SRRM1: variants seen among roughly 807,000 people sequenced by gnomAD.
The protein encoded by SRRM1 is serine and arginine repetitive matrix 1, also known as serine/arginine repetitive matrix protein 1.
Under a neutral mutation model 110.2 loss-of-function variants are expected in SRRM1, and 19 were observed. The ratio of observed to expected loss-of-function variants is 0.17; its 90% CI spans 0.12 to 0.25. The LOEUF is 0.25. Ranked by LOEUF, SRRM1 falls within the 10% of genes least tolerant of loss-of-function variation. SRRM1 has a pLI of 1.00. For synonymous variants in SRRM1, 443 were observed against 414.9 expected (o/e 1.07, Z -0.82); for missense variants, 918 against 1,145.8 (o/e 0.80, Z 2.87).
intron 13 of SRRM1, among the ~76,000 whole-genome samples, chr1:24,668,463 A>G (rs1160125357): frequency 1.3e-5 from 2 of 152,238 alleles, no homozygotes; most frequent in Non-Finnish European, 2.9e-5. Context: ...ACATTGCCAA[A>G]ATATATGGCC....
intron 11 of SRRM1, 90 bp downstream of exon 11, chr1:24,661,486 C>CT: frequency 1.1e-6 from 1 of 877,676 alleles, no homozygotes. Context: ...AGCATGAGTA[C>CT]TTACTTGCCT....
chr1:24,655,992 C>G (rs1663865583), intron 9 of SRRM1, among the ~76,000 whole-genome samples: 1 of 152,114 alleles, frequency 6.6e-6, no homozygotes, highest in South Asian at 2.1e-4. Context: ...GTGGTCCCAG[C>G]TACTCAGAAG....
chr1:24,650,168 C>T (rs1257242783), intron 5 of SRRM1, 82 bp downstream of exon 5: 43 of 1,305,370 alleles, frequency 3.3e-5, no homozygotes, highest in Non-Finnish European at 4.1e-5. Context: ...AGGAATCTAA[C>T]AGCGCTATTC....
chr1:24,654,994 C>A lies in SRRM1; in HGVS notation c.1180C>A (p.Pro394Thr), dbSNP rs1288337188. The change falls in exon 9 of 17, where the codon CCT (proline) becomes ACT (threonine). Residue 394 changes from proline to threonine, a missense_variant. Coordinates refer to ENST00000323848, the MANE Select transcript of SRRM1 (RefSeq NM_005839.4). ...TCGTAGGTTATCTCCTTCAGCAAGT[C>A]CTCCAAGGCGAAGGCACAGGCCATC... ...KTRRLSPSAS[P>T]PRRRHRPSPP... The A allele has an allele frequency of 6.2e-7, 1 of 1,614,232 alleles. No individual in the cohort carries two copies. Among genetic ancestry groups the A allele is most frequent in the Admixed American group, 1.7e-5 (1 of 60,022 alleles).
chr1:24,666,644 A>G (rs1571068558), intron 12 of SRRM1, 171 bp from the exon 13 acceptor site: 1 of 541,040 alleles, frequency 1.8e-6, no homozygotes, highest in South Asian at 2.2e-5. Flanking sequence ...GGGTGCCTGT[A>G]ATCCCAACTA....
chr1:24,648,964 G>C lies in SRRM1; in HGVS notation c.340G>C (p.Glu114Gln), dbSNP rs1658988811. The C allele has an allele frequency of 6.2e-7, 1 of 1,613,980 alleles. No homozygotes were observed. The highest frequency in any genetic ancestry group is 8.5e-7 in the Non-Finnish European group (1 of 1,179,926). Residue 114 changes from glutamate (E) to glutamine (Q), a missense_variant, in exon 4 of 17, where the codon GAA (glutamate) becomes CAA (glutamine). Transcript: ENST00000323848. ...GTGGCCCCTGCTGCTAAGTGCACAA[G>C]AAAACATCGCGGGAATCCCTTCTGC... is the stretch of plus-strand genomic sequence containing the variant. ...ELWPLLLSAQENIAGIPSAFL... is the reference protein window; with the variant it reads ...ELWPLLLSAQQNIAGIPSAFL...
chr1:24,645,279 C>G (rs1398224511), intron 1 of SRRM1, among the ~76,000 whole-genome samples: 2 of 152,114 alleles, frequency 1.3e-5, no homozygotes, highest in Non-Finnish European at 2.9e-5. Flanking sequence ...TGATCGCTTT[C>G]CAGGGGACTG....
At chr1:24,671,249 C>T (rs1205833390) in intron 15 of SRRM1, 137 bp from the exon 16 acceptor site, 25 of 916,672 alleles carry the variant, frequency 2.7e-5, no homozygotes, top group Non-Finnish European at 3.4e-5. Flanking sequence ...TTGGGCCTTC[C>T]CCACTCACAC....
intron 12 of SRRM1, among the ~76,000 whole-genome samples, chr1:24,663,704 C>A (rs1427842111): frequency 6.6e-6 from 1 of 151,752 alleles, no homozygotes; most frequent in African/African-American, 2.4e-5. Context: ...TGGTGAAACC[C>A]CATTTCTACT....
In SRRM1 at chr1:24,671,518, G is replaced by A. The variant is rs1672716218; in HGVS notation, c.2533G>A (p.Val845Met). ...TGTGGCTGCAGCTGCTGCAGCTGCTGTGACCCCTGCAGCCATTGCAGCTGC... is the reference window on the plus strand; with the variant it reads ...TGTGGCTGCAGCTGCTGCAGCTGCTATGACCCCTGCAGCCATTGCAGCTGC... ...KAVAAAAAAA[V>M]TPAAIAAATT... Residue 845 changes from valine to methionine, a missense_variant, in exon 16 of 17, where the codon GTG (valine) becomes ATG (methionine). Physicochemically the swap from Val to Met is conservative, Grantham distance 21 (BLOSUM62 1). Transcript: ENST00000323848. The A allele has an allele frequency of 1.2e-6, 2 of 1,612,526 alleles. No individual in the cohort carries two copies. Among genetic ancestry groups the A allele is most frequent in the Non-Finnish European group, 1.7e-6 (2 of 1,179,566 alleles).
At position 24,648,918 on chromosome 1, in the gene SRRM1, T is replaced by C. The variant is rs772314657; in HGVS notation, c.294T>C (p.Ala98=). Reference sequence around the variant, plus strand: ...CTGGATTTTTGAATGGAAAAAATGCTCGAGAATTTATGGGAGAACTGTGGC... The same window carrying C: ...CTGGATTTTTGAATGGAAAAAATGCCCGAGAATTTATGGGAGAACTGTGGC... The part of the protein sequence containing the change: ...NLTGFLNGKN[A]REFMGELWPL... The change falls in exon 4 of 17, where the codon GCT becomes GCC. Residue 98 remains alanine (A), a synonymous_variant. Coordinates refer to ENST00000323848, the MANE Select transcript of SRRM1 (RefSeq NM_005839.4). 1 of 1,613,476 alleles carries C rather than the reference T, an allele frequency of 6.2e-7. No individual in the cohort carries two copies. The highest frequency in any genetic ancestry group is 8.5e-7 in the Non-Finnish European group (1 of 1,179,850).
Position 24,655,107 on chromosome 1 carries a change from T to G in SRRM1, c.1293T>G (p.Ser431=). 1 of 1,614,020 alleles carries G rather than the reference T, an allele frequency of 6.2e-7. No individual in the cohort carries two copies. Among genetic ancestry groups the G allele is most frequent in the Non-Finnish European group, 8.5e-7 (1 of 1,179,964 alleles). The change falls in exon 9 of 17, where the codon TCT becomes TCG. Residue 431 remains serine, a synonymous_variant. Transcript: ENST00000323848. ...NRTRKSRVSV[S]PGRTSGKVTK... ...CAAGAAAAAGTCGTGTTTCTGTGTC[T>G]CCAGGGAGAACTTCAGGTAAAGGTA...
chr1:24,643,570 A>G, intron 1 of SRRM1: 1 of 397,884 alleles, frequency 2.5e-6, no homozygotes, highest in Middle Eastern at 6.4e-4. Flanking sequence ...CGCGGCGGCG[A>G]CGGTGGCCGG....
At position 24,651,426 on chromosome 1, in the gene SRRM1, C is replaced by A. The variant is rs1364803953; in HGVS notation, c.539C>A (p.Pro180His). Reference protein sequence around the residue: ...RSPRRRKSRSPSPRRRSSPVR... With the variant: ...RSPRRRKSRSHSPRRRSSPVR... ...CATCCTAGACGCAAATCCAGATCTC[C>A]TTCCCCTAGAAGACGATCTTCCCCT... The change falls in exon 6 of 17, where the codon CCT becomes CAT. Residue 180 changes from proline (P) to histidine (H), a missense_variant. Around this residue, in one of 5 missense-constraint regions of SRRM1, gnomAD observed 456 missense variants for 453.5 expected, o/e 1.01. Coordinates refer to ENST00000323848, the MANE Select transcript of SRRM1 (RefSeq NM_005839.4). 2 of 1,614,014 alleles carry A rather than the reference C, an allele frequency of 1.2e-6. No homozygotes were observed. The highest frequency in any genetic ancestry group is 2.2e-5 in the South Asian group (2 of 91,060).
intron 13 of SRRM1, among the ~76,000 whole-genome samples, chr1:24,667,867 C>T (rs982609388): frequency 3.3e-5 from 5 of 151,232 alleles, no homozygotes; most frequent in African/African-American, 1.2e-4. Flanking sequence ...ATTTTTGTAG[C>T]TCTTCTTTAC....
intron 11 of SRRM1, 133 bp from the exon 12 acceptor site, chr1:24,662,527 T>A: frequency 1.5e-6 from 1 of 677,232 alleles, no homozygotes; most frequent in Non-Finnish European, 2.4e-6. Context: ...TTGATAATGA[T>A]TCTGTTCAGA....
At position 24,669,335 on chromosome 1, in the gene SRRM1, G is replaced by A; in HGVS notation, c.1952G>A (p.Arg651Lys). 1 of 1,614,094 alleles carries A rather than the reference G, an allele frequency of 6.2e-7. No individual in the cohort carries two copies. The highest frequency in any genetic ancestry group is 8.5e-7 in the Non-Finnish European group (1 of 1,180,034). Reference protein sequence around the residue: ...PKQRSSPVTKRRSPSLSSKHR... With the variant: ...PKQRSSPVTKKRSPSLSSKHR... The stretch of plus-strand genomic sequence containing the variant: ...CAAAGAAGCTCCCCAGTCACCAAGA[G>A]ACGTTCACCTTCATTATCATCCAAG... Residue 651 changes from arginine to lysine, a missense_variant, in exon 14 of 17, where the codon AGA becomes AAA. Transcript: ENST00000323848.
At position 24,660,714 on chromosome 1, in the gene SRRM1, T is replaced by A; in HGVS notation, c.1316-5T>A. ...AAGCTTTTTTCCACTCTTATTCTTT[T>A]TTAGTGACAAAACATAAAGGTACTG... On this transcript the variant is annotated splice_region_variant and splice_polypyrimidine_tract_variant and intron_variant, in intron 9 of 16. Transcript: ENST00000323848. 1 of 1,541,002 alleles carries A rather than the reference T, an allele frequency of 6.5e-7. No homozygotes were observed. The highest frequency in any genetic ancestry group is 8.7e-7 in the Non-Finnish European group (1 of 1,144,244).
chr1:24,656,087 G>C (rs1417705384), intron 9 of SRRM1, among the ~76,000 whole-genome samples: 1 of 152,088 alleles, frequency 6.6e-6, no homozygotes, highest in Non-Finnish European at 1.5e-5. Flanking sequence ...AAAAAAGAGA[G>C]AGAAAAAATT....
Sources: allele counts gnomAD v4.1 joint callset (sites outside exome capture counted in the v4.1 genomes callset), GRCh38; gene constraint gnomAD v4.1.1; regional missense constraint gnomAD v4.1.1; transcripts MANE v1.5; gene names NCBI Gene and HGNC (gene_info 2026-07-23, HGNC 2026-07-21).